The following ABTB2 variants were observed in gnomAD, a reference collection of about 807,000 sequenced individuals.
ABTB2 encodes ankyrin repeat and BTB/POZ domain-containing protein 2.
In ABTB2, 56 loss-of-function variants were observed where a neutral mutation model predicts 104.1. The ratio of observed to expected loss-of-function variants is 0.54; its 90% confidence interval spans 0.43 to 0.67. The LOEUF (loss-of-function observed/expected upper bound fraction) is 0.67, where lower values mean the gene tolerates loss of function less well. ABTB2 is among the 30% of genes least tolerant of loss of function. The probability of loss-of-function intolerance (pLI) is 0.00; values close to 1 mark genes in which losing one functional copy is unlikely to be tolerated. For missense variants in ABTB2, 1,279 were observed against 1,407.7 expected (o/e 0.91, Z 1.46); for synonymous variants, 606 against 608.2 (o/e 1.00, Z 0.05).
At chr11:34,286,773 C>G (rs1009380930) in intron 1 of ABTB2, among the ~76,000 whole-genome samples, 1 of 152,206 alleles carries the variant, frequency 6.6e-6, no homozygotes, top group African/African-American at 2.4e-5. Context: ...TTAGCTAGGA[C>G]TCTCAACATG....
Position 34,306,236 on chromosome 11 carries a change from A to ATTTTTT in ABTB2, c.883+50459_883+50464dup, listed in dbSNP as rs34872949. Among the ~76,000 whole-genome samples, 77 of 71,968 alleles carry ATTTTTT rather than the reference A, an allele frequency of 1.1e-3. 3 individuals carry two copies. The highest frequency in any genetic ancestry group is 1.3e-3 in the South Asian group (2 of 1,540). 47.2% of individuals were successfully genotyped at this position (71,968 alleles called of 152,430 possible). A position where few individuals can be genotyped will look rare whatever the true frequency, so the allele number is the denominator to read the frequency against. On this transcript the variant is annotated intron_variant, in intron 1 of 16. Coordinates refer to ENST00000435224, the MANE Select transcript of ABTB2 (RefSeq NM_145804.3). Reference sequence around the variant, plus strand: ...TCCCACTAGCTGCCTGGAAAGTTTGATTTTTTTTTTTTTTTTTTTTTTTTT... The same window carrying ATTTTTT: ...TCCCACTAGCTGCCTGGAAAGTTTGATTTTTTTTTTTTTTTTTTTTTTTTTTTTTTT...
chr11:34,327,425 CT>C (rs1363943535), intron 1 of ABTB2, among the ~76,000 whole-genome samples: 1 of 152,144 alleles, frequency 6.6e-6, no homozygotes, highest in Non-Finnish European at 1.5e-5. Context: ...ATCCACCCCC[CT>C]AGCCACTTGA....
chr11:34,202,413 A>T (rs538519911), intron 2 of ABTB2, among the ~76,000 whole-genome samples: 2 of 152,270 alleles, frequency 1.3e-5, no homozygotes, highest in African/African-American at 4.8e-5. Context: ...GAAGTGATGA[A>T]GTCAGATCAT....
chr11:34,298,689 C>T (rs1455052269), intron 1 of ABTB2, among the ~76,000 whole-genome samples: 5 of 152,124 alleles, frequency 3.3e-5, no homozygotes, highest in South Asian at 4.1e-4. Context: ...CTCAAACTCC[C>T]GGCCTCGAGT....
intron 1 of ABTB2, among the ~76,000 whole-genome samples, chr11:34,300,010 CAG>C (rs1237821903): frequency 1.3e-5 from 2 of 152,164 alleles, no homozygotes; most frequent in African/African-American, 4.8e-5. Flanking sequence ...GTGCCTGGCA[CAG>C]AGTCAGAGCT....
chr11:34,302,754 G>C (rs974050459), intron 1 of ABTB2, among the ~76,000 whole-genome samples: 47 of 152,188 alleles, frequency 3.1e-4, no homozygotes, highest in African/African-American at 1.0e-3. Context: ...CGCTTGCGAG[G>C]GGTAGTAGGC....
intron 1 of ABTB2, among the ~76,000 whole-genome samples, chr11:34,336,754 T>A (rs575691049): frequency 3.3e-5 from 5 of 152,108 alleles, no homozygotes; most frequent in Non-Finnish European, 7.4e-5. Flanking sequence ...GGTTAATGCT[T>A]GCATATGGGT....
At chr11:34,177,942 G>T (rs1029221707) in intron 3 of ABTB2, among the ~76,000 whole-genome samples, 8 of 152,054 alleles carry the variant, frequency 5.3e-5, no homozygotes, top group Non-Finnish European at 1.2e-4. Context: ...AGTTCCAGGC[G>T]CTGTCTCAGG....
At chr11:34,195,083 G>C (rs529643801) in intron 3 of ABTB2, among the ~76,000 whole-genome samples, 1 of 94,234 alleles carries the variant, frequency 1.1e-5, no homozygotes, top group African/African-American at 3.4e-5. Context: ...GGCGGGGGGG[G>C]GGAGTGGGGG....
intron 1 of ABTB2, among the ~76,000 whole-genome samples, chr11:34,214,598 G>A (rs1378592592): frequency 6.9e-6 from 1 of 145,210 alleles, no homozygotes. Flanking sequence ...GGAGTGCAGT[G>A]GTGCAATCTC....
At position 34,340,168 on chromosome 11, in the gene ABTB2, T is replaced by G. The variant is rs945152713; in HGVS notation, c.883+16533A>C. ...ATGCAAGTTTAACTTAGACACTCAC[T>G]TTACACACTAAACCCCTTCTGGGTC... On this transcript the variant is annotated intron_variant, in intron 1 of 16. Coordinates refer to ENST00000435224, the MANE Select transcript of ABTB2 (RefSeq NM_145804.3). Among the ~76,000 whole-genome samples, 4 of 152,206 alleles carry G rather than the reference T, an allele frequency of 2.6e-5. No homozygotes were observed. In the East Asian group the frequency reaches 7.7e-4, roughly 29 times the overall value.
intron 5 of ABTB2, 83 bp from the exon 6 acceptor site, chr11:34,168,075 A>C: frequency 1.4e-6 from 2 of 1,397,502 alleles, no homozygotes; most frequent in Non-Finnish European, 2.0e-6. Flanking sequence ...CCCAGAAACC[A>C]CAGATCGGGC....
intron 3 of ABTB2, among the ~76,000 whole-genome samples, chr11:34,181,504 C>A (rs1170664115): frequency 1.3e-5 from 2 of 152,174 alleles, no homozygotes; most frequent in Non-Finnish European, 2.9e-5. Flanking sequence ...CTGTTCCCAT[C>A]CTGGCAGGCC....
intron 3 of ABTB2, 34 bp from the exon 4 acceptor site, chr11:34,173,341 G>T: frequency 1.3e-6 from 2 of 1,549,268 alleles, no homozygotes; most frequent in East Asian, 2.3e-5. Flanking sequence ...CAGGCCTGGG[G>T]TGGGGTCCCT....
Position 34,162,704 on chromosome 11 carries a change from G to A in ABTB2, c.2090C>T (p.Ser697Leu), listed in dbSNP as rs138784665. The change falls in exon 10 of 17, where the codon TCG becomes TTG. Residue 697 changes from serine to leucine, a missense_variant. Transcript: ENST00000435224. ...LAEGVEESDA[S>L]SQGSGSEGPV... ...CCCCTCGCTGCCACTGCCCTGGCTC[G>A]ACGCATCACTTTCCTCCACACCCTC... 1.2e-5 allele frequency: 20 copies of A among 1,612,716 alleles called. No individual in the cohort carries two copies. The highest frequency in any genetic ancestry group is 1.0e-4 in the Admixed American group (6 of 60,028).
At position 34,217,452 on chromosome 11, in the gene ABTB2, ATAAG is replaced by A. The variant is rs548005835; in HGVS notation, c.884-12766_884-12763del. On this transcript the variant is annotated intron_variant, in intron 1 of 16. Coordinates refer to ENST00000435224, the MANE Select transcript of ABTB2 (RefSeq NM_145804.3). ...ACTGTGCACAGGTTTTTGTGTAGAT[ATAAG>A]TTTTTTTTGTTTTGTTTTGTTTTCA... 4.3e-3 allele frequency among the ~76,000 whole-genome samples: 654 copies of A among 151,596 alleles called. 4 individuals carry two copies. The highest frequency in any genetic ancestry group is 0.015 in the African/African-American group (628 of 41,326).
At chr11:34,277,108 G>T (rs1194580290) in intron 1 of ABTB2, among the ~76,000 whole-genome samples, 1 of 152,096 alleles carries the variant, frequency 6.6e-6, no homozygotes, top group Non-Finnish European at 1.5e-5. Flanking sequence ...CACCATGTTG[G>T]CCAGGCTGGT....
intron 1 of ABTB2, among the ~76,000 whole-genome samples, chr11:34,324,713 C>A (rs1025118175): frequency 6.6e-6 from 1 of 152,210 alleles, no homozygotes; most frequent in Admixed American, 6.5e-5. Context: ...GTAGAGGCTC[C>A]CCTTTGGGGA....
At chr11:34,293,262 G>C (rs1039672155) in intron 1 of ABTB2, among the ~76,000 whole-genome samples, 1 of 150,946 alleles carries the variant, frequency 6.6e-6, no homozygotes, top group African/African-American at 2.5e-5. Context: ...GGTGAGACTA[G>C]GACTGCAGTT....
Sources: allele counts gnomAD v4.1 joint callset (sites outside exome capture counted in the v4.1 genomes callset), GRCh38; gene constraint gnomAD v4.1.1; transcripts MANE v1.5; gene names NCBI Gene and HGNC (gene_info 2026-07-23, HGNC 2026-07-21).